TEX11: variants seen among roughly 807,000 people sequenced by gnomAD.
TEX11 encodes the protein testis-expressed protein 11.
A neutral mutation model predicts 84.4 loss-of-function variants in TEX11; 7 were observed. The ratio of observed to expected loss-of-function variants is 0.08; its 90% confidence interval spans 0.05 to 0.16. TEX11 has a LOEUF of 0.16. Among genes scored for constraint, TEX11 ranks in the 10% least tolerant of loss-of-function variants. TEX11 has a pLI of 1.00. For synonymous variants in TEX11, 264 were observed against 222.8 expected, an observed-to-expected ratio of 1.18 and a Z score of -1.64; for missense variants, 551 against 660.5, an observed-to-expected ratio of 0.83 and a Z score of 1.82.
chrX:70,876,814 C>T (rs1369050804), intron 3 of TEX11, among the ~76,000 whole-genome samples: 1 of 110,679 alleles, frequency 9.0e-6, no homozygotes, highest in African/African-American at 3.3e-5. Flanking sequence ...CCCAGCTACT[C>T]GGAGGGCTGA....
At chrX:70,640,523 C>G (rs192711064) in intron 17 of TEX11, among the ~76,000 whole-genome samples, 5 of 110,785 alleles carry the variant, frequency 4.5e-5, no homozygotes, top group South Asian at 4.0e-4. Context: ...CAGAGAGAAA[C>G]GTCAGGTTAC....
intron 7 of TEX11, among the ~76,000 whole-genome samples, chrX:70,848,580 C>G (rs1226678428): frequency 3.6e-5 from 4 of 111,120 alleles, no homozygotes. Context: ...ATGGGGGGTG[C>G]AAAAAGATCA....
At chrX:70,744,241 AATAT>A in intron 9 of TEX11, 22 bp from the exon 10 acceptor site, 3 of 636,547 alleles carry the variant, frequency 4.7e-6, no homozygotes, top group Admixed American at 5.6e-5. Context: ...AAGGAAAAAA[AATAT>A]ATATATATAT....
At chrX:70,789,840 C>G (rs1421056291) in intron 9 of TEX11, among the ~76,000 whole-genome samples, 2 of 112,176 alleles carry the variant, frequency 1.8e-5, no homozygotes, top group African/African-American at 6.5e-5. Flanking sequence ...TCTGGGTTCA[C>G]TGCAACGCTA....
chrX:70,749,599 A>T (rs1602095396), intron 9 of TEX11, among the ~76,000 whole-genome samples: 1 of 101,282 alleles, frequency 9.9e-6, no homozygotes, highest in African/African-American at 3.6e-5. Context: ...ACGTCCCATC[A>T]ATACCTAATT....
intron 17 of TEX11, among the ~76,000 whole-genome samples, chrX:70,638,571 G>A (rs1415179026): frequency 9.1e-6 from 1 of 110,426 alleles, no homozygotes; most frequent in Non-Finnish European, 1.9e-5. Context: ...AGGCTGAGGT[G>A]GGCAGATCAC....
chrX:70,658,911 A>G (rs987113919), intron 16 of TEX11, among the ~76,000 whole-genome samples: 4 of 112,022 alleles, frequency 3.6e-5, no homozygotes, highest in African/African-American at 1.3e-4. Flanking sequence ...CCTCACATAT[A>G]TGGTGAAATG....
At chrX:70,708,603 A>T (rs971193858) in intron 13 of TEX11, among the ~76,000 whole-genome samples, 1 of 112,150 alleles carries the variant, frequency 8.9e-6, no homozygotes, top group Non-Finnish European at 1.9e-5. Flanking sequence ...TATACCATGG[A>T]ATACTATGCA....
chrX:70,589,802 G>A (rs1451355423), intron 25 of TEX11, among the ~76,000 whole-genome samples: 2 of 112,240 alleles, frequency 1.8e-5, no homozygotes, highest in East Asian at 2.8e-4. Context: ...GATTACAGGC[G>A]TGAGCCACTG....
At chrX:70,620,548 G>T (rs1179666862) in intron 20 of TEX11, among the ~76,000 whole-genome samples, 1 of 111,290 alleles carries the variant, frequency 9.0e-6, no homozygotes, top group African/African-American at 3.3e-5. Flanking sequence ...ACAGTCTACC[G>T]GTTTCTCACA....
chrX:70,513,674 T>C, the TEX11 span, among the ~76,000 whole-genome samples: 1 of 106,248 alleles, frequency 9.4e-6, no homozygotes, highest in Non-Finnish European at 1.9e-5. Flanking sequence ...AGAGATGGAA[T>C]TTTAGAATAG....
At chrX:70,723,090 C>A (rs1242761048) in intron 12 of TEX11, among the ~76,000 whole-genome samples, 1 of 111,594 alleles carries the variant, frequency 9.0e-6, no homozygotes, top group Non-Finnish European at 1.9e-5. Context: ...GAGAATATAC[C>A]ACCAATTTCT....
At chrX:70,812,443 G>A (rs1030251150) in intron 8 of TEX11, among the ~76,000 whole-genome samples, 2 of 110,661 alleles carry the variant, frequency 1.8e-5, no homozygotes, top group African/African-American at 3.3e-5. Flanking sequence ...TCCTGACCTC[G>A]TGATCTGCCC....
At chrX:70,572,599 G>C (rs926022960) in intron 25 of TEX11, among the ~76,000 whole-genome samples, 39 of 110,463 alleles carry the variant, frequency 3.5e-4, no homozygotes, top group Admixed American at 1.9e-4. Context: ...TTGGAACCAA[G>C]CCAAATGTCC....
At chrX:70,723,311 T>C (rs2090574646) in intron 12 of TEX11, among the ~76,000 whole-genome samples, 1 of 110,386 alleles carries the variant, frequency 9.1e-6, no homozygotes, top group Non-Finnish European at 1.9e-5. Flanking sequence ...AGAAAAGAAG[T>C]ATACACTGTA....
At chrX:70,700,662 T>A (rs1170893923) in intron 13 of TEX11, among the ~76,000 whole-genome samples, 1 of 111,247 alleles carries the variant, frequency 9.0e-6, no homozygotes, top group Non-Finnish European at 1.9e-5. Context: ...TATTCACATA[T>A]CTCTCATTTT....
intron 25 of TEX11, among the ~76,000 whole-genome samples, chrX:70,569,440 T>C (rs1007306553): frequency 8.9e-6 from 1 of 112,331 alleles, no homozygotes; most frequent in African/African-American, 3.2e-5. Flanking sequence ...TTTGTTCCGT[T>C]GCTGGTAAGG....
At chrX:70,798,132 A>G (rs1329431056) in intron 9 of TEX11, among the ~76,000 whole-genome samples, 1 of 109,243 alleles carries the variant, frequency 9.2e-6, no homozygotes, top group Non-Finnish European at 1.9e-5. Context: ...AACTGTCAGA[A>G]CTAATAAATT....
At chrX:70,613,669 A>G (rs190439816) in intron 20 of TEX11, among the ~76,000 whole-genome samples, 1 of 111,704 alleles carries the variant, frequency 9.0e-6, no homozygotes, top group African/African-American at 3.3e-5. Flanking sequence ...CTCAGAACCA[A>G]TGGACTTGGG....
Sources: allele counts gnomAD v4.1 joint callset (sites outside exome capture counted in the v4.1 genomes callset), GRCh38; gene constraint gnomAD v4.1.1; transcripts MANE v1.5; gene names NCBI Gene and HGNC (gene_info 2026-07-23, HGNC 2026-07-21).